RANBP3: variants seen among roughly 807,000 people sequenced by gnomAD.
RANBP3 encodes the protein ran-binding protein 3.
In RANBP3, 14 loss-of-function variants were observed where a neutral mutation model predicts 77.3. That is an observed-to-expected ratio of 0.18 (90% CI 0.12 to 0.28). The LOEUF (loss-of-function observed/expected upper bound fraction) is 0.28, where lower values mean the gene tolerates loss of function less well. Ranked by LOEUF, RANBP3 falls within the 10% of genes least tolerant of loss-of-function variation. The probability of loss-of-function intolerance (pLI) is 1.00; values close to 1 mark genes in which losing one functional copy is unlikely to be tolerated. For missense variants in RANBP3, 586 were observed against 752.3 expected, an observed-to-expected ratio of 0.78 and a Z score of 2.59; for synonymous variants, 315 against 312.4, an observed-to-expected ratio of 1.01 and a Z score of -0.09.
chr19:5,955,718 G>C (rs1322904515), intron 2 of RANBP3, among the ~76,000 whole-genome samples: 1 of 152,184 alleles, frequency 6.6e-6, no homozygotes, highest in East Asian at 1.9e-4. Flanking sequence ...TTTCTGCAAA[G>C]GGTCAGATAC....
At chr19:5,949,477 T>C (rs2058248399) in intron 3 of RANBP3, among the ~76,000 whole-genome samples, 1 of 152,216 alleles carries the variant, frequency 6.6e-6, no homozygotes. Context: ...GGCTTGACAA[T>C]GGCTCTCCTG....
chr19:5,933,565 C>T (rs1013630170), intron 5 of RANBP3, 86 bp from the exon 6 acceptor site: 2 of 1,105,868 alleles, frequency 1.8e-6, no homozygotes, highest in African/African-American at 3.2e-5. Context: ...GGACTATGGT[C>T]TTGGCCTCAG....
chr19:5,920,261 C>T (rs955876481), intron 14 of RANBP3, among the ~76,000 whole-genome samples: 1 of 152,080 alleles, frequency 6.6e-6, no homozygotes, highest in Non-Finnish European at 1.5e-5. Context: ...ATTAGCCAGA[C>T]GTGGTGGTGC....
chr19:5,941,751 T>C (rs1352998614), intron 4 of RANBP3, 44 bp from the exon 5 acceptor site: 1 of 1,612,672 alleles, frequency 6.2e-7, no homozygotes, highest in Admixed American at 1.7e-5. Flanking sequence ...TCAGGTTGCT[T>C]CTGTCTTTAA....
In RANBP3 at chr19:5,923,670, G is replaced by T. The variant is rs564478814; in HGVS notation, c.1099+142C>A. 3,208 of 655,648 alleles carry T rather than the reference G, an allele frequency of 4.9e-3. 9 individuals are homozygous for T. The highest frequency in any genetic ancestry group is 6.5e-3 in the Non-Finnish European group (2,407 of 372,380). The allele number at this position is 655,648 out of a possible 1,614,324, so 40.6% of individuals were successfully genotyped here. The stretch of plus-strand genomic sequence containing the variant: ...CAAACCCTTGCTCACTGCAAGGCAG[G>T]GCCCTGGAGCTGGTTCACATGTGGT... On this transcript the variant is annotated intron_variant, in intron 12 of 16. Transcript: ENST00000340578.
rs1333915463 is a variant in RANBP3 at position 5,957,897 on chromosome 19, G to T, written c.78+21C>A. 3.1e-6 allele frequency: 5 copies of T among 1,613,198 alleles called. No individual in the cohort carries two copies. The African/African-American group carries it at 5.3e-5, about 17-fold the overall frequency. The stretch of plus-strand genomic sequence containing the variant: ...ACAAATTAGAGTAACGAAGTGAAGA[G>T]AGAACGTACCGGCCCCTTACCTTTT... On this transcript the variant is annotated intron_variant, in intron 2 of 16. Transcript: ENST00000340578.
chr19:5,932,380 T>C lies in RANBP3; in HGVS notation c.565+72A>G, dbSNP rs542801749. 1.8e-3 allele frequency: 2,105 copies of C among 1,195,212 alleles called. 5 individuals carry two copies. Among genetic ancestry groups the C allele is most frequent in the Non-Finnish European group, 2.3e-3 (1,863 of 809,584 alleles). 74.0% of individuals were successfully genotyped at this position (1,195,212 alleles called of 1,614,324 possible). A position where few individuals can be genotyped will look rare whatever the true frequency, so the allele number is the denominator to read the frequency against. On this transcript the variant is annotated intron_variant, in intron 7 of 16. Coordinates refer to ENST00000340578, the MANE Select transcript of RANBP3 (RefSeq NM_007322.3). ...GCAGTCACCTCTGTCGCAACACTGC[T>C]GTCCCGGGTGCGACTTCGGGAACGC...
At chr19:5,977,493 G>A (rs1006922035) in intron 1 of RANBP3, among the ~76,000 whole-genome samples, 3 of 152,186 alleles carry the variant, frequency 2.0e-5, no homozygotes, top group Non-Finnish European at 4.4e-5. Flanking sequence ...GAAGGATCCG[G>A]GGGGAACTGG....
intron 1 of RANBP3, among the ~76,000 whole-genome samples, chr19:5,961,303 C>T (rs1186872963): frequency 2.6e-5 from 4 of 151,982 alleles, no homozygotes; most frequent in Admixed American, 2.6e-4. Context: ...ATTAGCCGGG[C>T]GTGGTGGCAG....
intron 1 of RANBP3, among the ~76,000 whole-genome samples, chr19:5,966,362 C>T (rs2058468062): frequency 6.6e-6 from 1 of 152,184 alleles, no homozygotes; most frequent in South Asian, 2.1e-4. Flanking sequence ...AGACTGCAAT[C>T]CTTTAAGGTT....
At chr19:5,953,052 T>C (rs890823720) in intron 2 of RANBP3, among the ~76,000 whole-genome samples, 4 of 152,298 alleles carry the variant, frequency 2.6e-5, no homozygotes, top group Non-Finnish European at 4.4e-5. Context: ...TATTCAAACA[T>C]CCTCATGGTA....
At chr19:5,955,850 C>T (rs2058329361) in intron 2 of RANBP3, among the ~76,000 whole-genome samples, 1 of 152,154 alleles carries the variant, frequency 6.6e-6, no homozygotes, top group Admixed American at 6.5e-5. Context: ...GCCCACAATC[C>T]CAGCACTTTG....
rs998422865 is a variant in RANBP3 at position 5,959,143 on chromosome 19, T to C, written c.23-1170A>G. Among the ~76,000 whole-genome samples the C allele has an allele frequency of 6.6e-6, 1 of 151,970 alleles. No individual in the cohort carries two copies. The highest frequency in any genetic ancestry group is 6.5e-5 in the Admixed American group (1 of 15,278). On this transcript the variant is annotated intron_variant, in intron 1 of 16. Coordinates refer to ENST00000340578, the MANE Select transcript of RANBP3 (RefSeq NM_007322.3). This position sits in a 1 kb window ranked among gnomAD's most constrained non-coding sequence, Gnocchi z 5.1. ...AGCTGGAAGGGAGAGCAGCAGCAGC[T>C]TGAAGTCACAGCTTGCGGGGTGATG...
intron 1 of RANBP3, among the ~76,000 whole-genome samples, chr19:5,964,010 A>C (rs757401192): frequency 6.6e-6 from 1 of 152,190 alleles, no homozygotes; most frequent in Non-Finnish European, 1.5e-5. Context: ...GAAAACAGCA[A>C]GGGAAGATGG....
intron 15 of RANBP3, 178 bp downstream of exon 15, chr19:5,918,318 T>C (rs2057771206): frequency 2.7e-6 from 2 of 733,812 alleles, no homozygotes; most frequent in Non-Finnish European, 4.3e-6. Flanking sequence ...ACAAGGACCA[T>C]GATCTCTATT....
intron 1 of RANBP3, among the ~76,000 whole-genome samples, chr19:5,967,551 C>T (rs1247428375): frequency 6.6e-6 from 1 of 152,208 alleles, no homozygotes; most frequent in African/African-American, 2.4e-5. Context: ...TCCCACTCCA[C>T]CCCATGAGGG....
At chr19:5,971,350 T>C (rs2058528266) in intron 1 of RANBP3, among the ~76,000 whole-genome samples, 1 of 152,096 alleles carries the variant, frequency 6.6e-6, no homozygotes, top group African/African-American at 2.4e-5. Context: ...TTTTTTTTAT[T>C]AAAGAGAGGG....
At chr19:5,955,681 G>A (rs79538035) in intron 2 of RANBP3, among the ~76,000 whole-genome samples, 1 of 152,196 alleles carries the variant, frequency 6.6e-6, no homozygotes, top group East Asian at 1.9e-4. Flanking sequence ...CCTATTGTTT[G>A]TTTTAAACCA....
At position 5,959,914 on chromosome 19, in the gene RANBP3, C is replaced by T. The variant is rs1409354962; in HGVS notation, c.23-1941G>A. Among the ~76,000 whole-genome samples the T allele has an allele frequency of 6.6e-6, 1 of 152,194 alleles. No individual in the cohort carries two copies. Among genetic ancestry groups the T allele is most frequent in the African/African-American group, 2.4e-5 (1 of 41,436 alleles). On this transcript the variant is annotated intron_variant, in intron 1 of 16. Transcript: ENST00000340578. This position sits in a 1 kb window ranked among gnomAD's most constrained non-coding sequence, Gnocchi z 5.1. ...CATTTTCTTTAGGGAGCTACCCACCCCTCGTCCCCCTGTCCCCCAGTTCAG... is the reference window on the plus strand; with the variant it reads ...CATTTTCTTTAGGGAGCTACCCACCTCTCGTCCCCCTGTCCCCCAGTTCAG...
Sources: gnomAD v4.1 joint callset for allele counts (sites outside exome capture counted in the v4.1 genomes callset) on GRCh38, gnomAD v4.1.1 for gene constraint, Gnocchi (gnomAD v3.1) non-coding constraint, MANE v1.5 for transcripts, NCBI Gene and HGNC (gene_info 2026-07-23, HGNC 2026-07-21) for gene names.